FBXO10: variants seen among roughly 807,000 people sequenced by gnomAD.
The protein encoded by FBXO10 is F-box only protein 10.
FBXO10 carries 39 observed loss-of-function variants against 80.7 expected under a neutral mutation model. The ratio of observed to expected loss-of-function variants is 0.48; its 90% confidence interval spans 0.37 to 0.63. The LOEUF (loss-of-function observed/expected upper bound fraction) is 0.63. Among genes scored for constraint, FBXO10 ranks in the 30% least tolerant of loss-of-function variants. The probability of loss-of-function intolerance (pLI) is 0.00; values close to 1 mark genes in which losing one functional copy is unlikely to be tolerated. For missense variants in FBXO10, 1,025 were observed against 1,269.0 expected (o/e 0.81, Z 2.92); for synonymous variants, 449 against 489.6 (o/e 0.92, Z 1.09).
chr9:37,571,981 T>A (rs116599674), intron 1 of FBXO10, among the ~76,000 whole-genome samples: 6,437 of 150,344 alleles, frequency 0.043, 151 homozygotes, highest in Middle Eastern at 0.071. Context: ...CAAAAAAAAA[T>A]AAAATAATTA....
At chr9:37,541,070 T>C (rs914446350) in intron 2 of FBXO10, 114 bp downstream of exon 2, 24 of 885,288 alleles carry the variant, frequency 2.7e-5, no homozygotes, top group Non-Finnish European at 3.7e-5. Context: ...AGTATGAGTA[T>C]AATAATAACT....
chr9:37,529,767 G>T (rs535416230), intron 4 of FBXO10, among the ~76,000 whole-genome samples: 1 of 152,138 alleles, frequency 6.6e-6, no homozygotes, highest in Admixed American at 6.5e-5. Context: ...TGCAGACACT[G>T]GGGGGCCAAG....
Position 37,537,759 on chromosome 9 carries a change from G to C in FBXO10, c.770C>G (p.Thr257Ser). 6.2e-7 allele frequency: 1 copy of C among 1,614,008 alleles called. No individual in the cohort carries two copies. The change falls in exon 3 of 11, where the codon ACT becomes AGT. Residue 257 changes from threonine to serine, a missense_variant. Around this residue, in one of 3 missense-constraint regions of FBXO10, gnomAD observed 450 missense variants for 499.4 expected, o/e 0.90. Transcript: ENST00000432825. ...EFVGSENNSVTVEGHPSADKN... is the reference protein window; with the variant it reads ...EFVGSENNSVSVEGHPSADKN... ...ATCTGCAGATGGGTGACCCTCAACA[G>C]TCACAGAGTTGTTTTCACTGCCCAC...
chr9:37,555,419 G>T (rs1390880269), intron 1 of FBXO10, among the ~76,000 whole-genome samples: 1 of 151,302 alleles, frequency 6.6e-6, no homozygotes, highest in East Asian at 1.9e-4. Flanking sequence ...TGTCATCCTG[G>T]CTGAAGCCCA....
chr9:37,536,660 A>G (rs988893104), intron 3 of FBXO10, among the ~76,000 whole-genome samples: 3 of 152,092 alleles, frequency 2.0e-5, no homozygotes, highest in Non-Finnish European at 4.4e-5. Context: ...ACCCCTTCTT[A>G]TCACGTGTCC....
chr9:37,526,698 C>A (rs1285353839), intron 5 of FBXO10, among the ~76,000 whole-genome samples: 3 of 152,094 alleles, frequency 2.0e-5, no homozygotes, highest in Non-Finnish European at 4.4e-5. Context: ...CGGGGAGAAT[C>A]CACTCCTCAT....
chr9:37,554,452 T>G (rs1822285373), intron 1 of FBXO10, among the ~76,000 whole-genome samples: 1 of 152,198 alleles, frequency 6.6e-6, no homozygotes, highest in South Asian at 2.1e-4. Flanking sequence ...ATGTACCATA[T>G]CCAGTAGTGT....
intron 1 of FBXO10, among the ~76,000 whole-genome samples, chr9:37,550,577 T>G (rs984264596): frequency 1.3e-5 from 2 of 150,644 alleles, no homozygotes; most frequent in African/African-American, 4.9e-5. Flanking sequence ...GCCTCCCAGG[T>G]TCAAGCGATT....
At chr9:37,551,132 C>T (rs1257412111) in intron 1 of FBXO10, among the ~76,000 whole-genome samples, 1 of 152,200 alleles carries the variant, frequency 6.6e-6, no homozygotes, top group Non-Finnish European at 1.5e-5. Flanking sequence ...ATGTCCAGAA[C>T]AGAGCAAACA....
intron 1 of FBXO10, among the ~76,000 whole-genome samples, chr9:37,574,453 T>TATGGTGAAGGC (rs1822843984): frequency 6.6e-6 from 1 of 152,190 alleles, no homozygotes; most frequent in Non-Finnish European, 1.5e-5. Flanking sequence ...ATGATGGCAC[T>TATGGTGAAGGC]ATGGTGAAGG....
chr9:37,515,779 T>C, intron 10 of FBXO10, 125 bp downstream of exon 10: 1 of 1,004,682 alleles, frequency 1.0e-6, no homozygotes, highest in Non-Finnish European at 1.5e-6. Context: ...TTTTTCTGAC[T>C]GGAGTCGACA....
chr9:37,520,016 T>C (rs1821291679), intron 8 of FBXO10, among the ~76,000 whole-genome samples: 1 of 152,072 alleles, frequency 6.6e-6, no homozygotes, highest in Non-Finnish European at 1.5e-5. Flanking sequence ...TTTTTCTCAG[T>C]AGAGATTGAG....
intron 5 of FBXO10, among the ~76,000 whole-genome samples, chr9:37,527,960 C>T (rs546044198): frequency 3.3e-5 from 5 of 152,212 alleles, no homozygotes; most frequent in Admixed American, 1.3e-4. Flanking sequence ...TATGGCATAT[C>T]GAAATACTGG....
At chr9:37,552,563 G>A (rs1303400679) in intron 1 of FBXO10, among the ~76,000 whole-genome samples, 1 of 151,936 alleles carries the variant, frequency 6.6e-6, no homozygotes, top group Non-Finnish European at 1.5e-5. Context: ...ATGGTGGTGG[G>A]CGCCTGTAGT....
Position 37,518,225 on chromosome 9 carries a change from T to C in FBXO10, c.2414A>G (p.His805Arg), listed in dbSNP as rs763777212. 3 of 1,614,068 alleles carry C rather than the reference T, an allele frequency of 1.9e-6. No individual in the cohort carries two copies. In the East Asian group the frequency reaches 6.7e-5, roughly 36 times the overall value. The change falls in exon 9 of 11, where the codon CAC (histidine) becomes CGC (arginine). Residue 805 changes from histidine (H) to arginine (R), a missense_variant. His to Arg is a conservative substitution (Grantham distance 29). Coordinates refer to ENST00000432825, the MANE Select transcript of FBXO10 (RefSeq NM_012166.3). ...GCTGTCGCCCTTGGTGATAATGCCG[T>C]GGCCTCTGTTGTCATAGATACCATT... Reference protein sequence around the residue: ...RGNGIYDNRGHGIITKGDSTI... With the variant: ...RGNGIYDNRGRGIITKGDSTI...
chr9:37,519,444 G>A (rs1821272032), intron 8 of FBXO10, among the ~76,000 whole-genome samples: 2 of 133,948 alleles, frequency 1.5e-5, no homozygotes, highest in South Asian at 5.2e-4. Context: ...GAGGAGAGGA[G>A]GGCTCTGCGG....
At chr9:37,538,031 A>G in intron 2 of FBXO10, 88 bp from the exon 3 acceptor site, 1 of 1,028,388 alleles carries the variant, frequency 9.7e-7, no homozygotes, top group Non-Finnish European at 1.5e-6. Flanking sequence ...AGAACATGGA[A>G]AGGCCATTTG....
intron 2 of FBXO10, among the ~76,000 whole-genome samples, chr9:37,540,626 C>T (rs1821886806): frequency 6.6e-6 from 1 of 152,224 alleles, no homozygotes; most frequent in Non-Finnish European, 1.5e-5. Flanking sequence ...TTTGAACCAT[C>T]TTCTGGCTCT....
intron 8 of FBXO10, among the ~76,000 whole-genome samples, chr9:37,518,913 C>CTT (rs397953415): frequency 0.025 from 3,467 of 141,142 alleles, 74 homozygotes; most frequent in Admixed American, 0.043. Context: ...GGGAAATTTT[C>CTT]TTTTTTTTTT....
Sources: allele counts gnomAD v4.1 joint callset (sites outside exome capture counted in the v4.1 genomes callset), GRCh38; gene constraint gnomAD v4.1.1; regional missense constraint gnomAD v4.1.1; transcripts MANE v1.5; gene names NCBI Gene and HGNC (gene_info 2026-07-23, HGNC 2026-07-21).